Variants in ZNF236 observed in about 807,000 individuals in gnomAD.
The protein encoded by ZNF236 is regulated by glucose.
ZNF236 carries 50 observed loss-of-function variants against 191.2 expected under a neutral mutation model. The ratio of observed to expected loss-of-function variants is 0.26; its 90% CI spans 0.21 to 0.33. The LOEUF (loss-of-function observed/expected upper bound fraction) is 0.33. Among genes scored for constraint, ZNF236 ranks in the 10% least tolerant of loss-of-function variants. ZNF236 has a pLI of 1.00. For synonymous variants in ZNF236, 907 were observed against 928.8 expected (o/e 0.98, Z 0.43); for missense variants, 1,754 against 2,374.5 (o/e 0.74, Z 5.43).
chr18:76,900,536 GTATAGGATAC>G (rs1977559400), intron 11 of ZNF236, among the ~76,000 whole-genome samples: 9 of 152,086 alleles, frequency 5.9e-5, no homozygotes, highest in Admixed American at 5.2e-4. Flanking sequence ...AGTTGATTTT[GTATAGGATAC>G]AATCTTTGAT....
At position 76,913,807 on chromosome 18, in the gene ZNF236, G is replaced by T; in HGVS notation, c.2970G>T (p.Ser990=). Reference sequence around the variant, plus strand: ...GCCACCTGAAGCAGCATGTGCGGTCGCACACCGGGGAAAAGCCCTACAAGT... The same window carrying T: ...GCCACCTGAAGCAGCATGTGCGGTCTCACACCGGGGAAAAGCCCTACAAGT... ...KSSHLKQHVR[S]HTGEKPYKCK... The change falls in exon 18 of 31, where the codon TCG becomes TCT. Residue 990 remains serine (S), a synonymous_variant. Coordinates refer to ENST00000320610, the MANE Select transcript of ZNF236 (RefSeq NM_001306089.2). The T allele has an allele frequency of 1.2e-6, 2 of 1,614,182 alleles. No homozygotes were observed. Among genetic ancestry groups the T allele is most frequent in the Non-Finnish European group, 1.7e-6 (2 of 1,180,030 alleles).
chr18:76,861,565 A>G (rs934403407), intron 3 of ZNF236, among the ~76,000 whole-genome samples: 13 of 152,224 alleles, frequency 8.5e-5, no homozygotes, highest in South Asian at 2.1e-4. Flanking sequence ...TTTTCCCTGT[A>G]TGTCAAAATA....
intron 3 of ZNF236, among the ~76,000 whole-genome samples, chr18:76,857,027 C>T (rs574500259): frequency 2.0e-5 from 3 of 152,308 alleles, no homozygotes; most frequent in East Asian, 3.9e-4. Context: ...AGCCCATCCC[C>T]GCAGGGCCTC....
At chr18:76,834,551 T>G in intron 1 of ZNF236, 1 of 492,488 alleles carries the variant, frequency 2.0e-6, no homozygotes, top group Admixed American at 2.2e-5. Context: ...AGCCTAGTGA[T>G]AACCACCTTG....
chr18:76,921,156 C>G (rs2122809470), intron 20 of ZNF236, among the ~76,000 whole-genome samples: 1 of 152,298 alleles, frequency 6.6e-6, no homozygotes, highest in Non-Finnish European at 1.5e-5. Context: ...CAGTGCCACC[C>G]TAGTGAGCAC....
chr18:76,888,349 C>T (rs575010009), intron 9 of ZNF236: 27 of 152,794 alleles, frequency 1.8e-4, no homozygotes, highest in Admixed American at 4.6e-4. Flanking sequence ...GGCGACAGAG[C>T]GAGACTCCGT....
rs1322293930 is a variant in ZNF236 at position 76,971,475 on chromosome 18, A to T, written c.*3136A>T. Among the ~76,000 whole-genome samples, 2 of 152,216 alleles carry T rather than the reference A, an allele frequency of 1.3e-5. No individual in the cohort carries two copies. Among genetic ancestry groups the T allele is most frequent in the South Asian group, 2.1e-4 (1 of 4,830 alleles). ...AACATCAGTGCTTGTCTGGCACTTA[A>T]CTAGGGGATGTTTCCTTCGTGCATA... is the stretch of plus-strand genomic sequence containing the variant. On this transcript the variant is annotated 3_prime_UTR_variant, in exon 31 of 31. Transcript: ENST00000320610.
chr18:76,959,333 C>T lies in ZNF236; in HGVS notation c.5113-354C>T, dbSNP rs544649441. ...CGGGGACAGGATCCCCCACAGCCAA[C>T]GGAGAGAGCTCACCTGGACTCCTGC... is the stretch of plus-strand genomic sequence containing the variant. On this transcript the variant is annotated intron_variant, in intron 28 of 30. Transcript: ENST00000320610. Among the ~76,000 whole-genome samples the T allele has an allele frequency of 7.1e-4, 108 of 152,236 alleles. 1 individual carries two copies. The South Asian group carries it at 7.7e-3, about 11-fold the overall frequency.
chr18:76,843,803 A>AAAAAAAAAAG (rs71172383), intron 1 of ZNF236, among the ~76,000 whole-genome samples: 1,756 of 62,070 alleles, frequency 0.028, 643 homozygotes, highest in East Asian at 0.073. Context: ...AAAAAAAAAA[A>AAAAAAAAAAG]AAGTAAAGAA....
Position 76,925,060 on chromosome 18 carries a change from G to A in ZNF236, c.3662-129G>A. 1 of 1,367,566 alleles carries A rather than the reference G, an allele frequency of 7.3e-7. No individual in the cohort carries two copies. The allele number at this position is 1,367,566 out of a possible 1,614,324, so 84.7% of individuals were successfully genotyped here. A position where few individuals can be genotyped will look rare whatever the true frequency, so the allele number is the denominator to read the frequency against. ...CGTCCGTAACATCTTATAGGTGAAAGGGATTCTCATTAAAGTACTTCCATC... is the reference window on the plus strand; with the variant it reads ...CGTCCGTAACATCTTATAGGTGAAAAGGATTCTCATTAAAGTACTTCCATC... On this transcript the variant is annotated intron_variant, in intron 21 of 30. Coordinates refer to ENST00000320610, the MANE Select transcript of ZNF236 (RefSeq NM_001306089.2). This position sits in a 1 kb window ranked among gnomAD's most constrained non-coding sequence, Gnocchi z 5.7.
rs1054725990 is a variant in ZNF236 at position 76,836,348 on chromosome 18, G to A, written c.56-13178G>A. Among the ~76,000 whole-genome samples the A allele has an allele frequency of 2.6e-5, 4 of 151,952 alleles. 1 individual carries two copies. In the South Asian group the frequency reaches 8.3e-4, roughly 32 times the overall value. ...TGATTCTCCTGCCTCAGTCTCCCAA[G>A]TAGCTGGGACTACAGGTGCCCACCA... On this transcript the variant is annotated intron_variant, in intron 1 of 30. Coordinates refer to ENST00000320610, the MANE Select transcript of ZNF236 (RefSeq NM_001306089.2).
At chr18:76,923,351 C>A (rs370062291) in intron 21 of ZNF236, among the ~76,000 whole-genome samples, 177 bp downstream of exon 21, 42 of 151,872 alleles carry the variant, frequency 2.8e-4, no homozygotes, top group Non-Finnish European at 3.8e-4. Flanking sequence ...GAAAACTGTC[C>A]AAATGACACT....
intron 28 of ZNF236, among the ~76,000 whole-genome samples, chr18:76,957,173 C>T (rs905580285): frequency 6.6e-6 from 1 of 152,104 alleles, no homozygotes; most frequent in African/African-American, 2.4e-5. Context: ...TGTTTTTGGC[C>T]TTTGTGTGTC....
intron 26 of ZNF236, among the ~76,000 whole-genome samples, chr18:76,946,228 T>G (rs185577747): frequency 2.8e-4 from 43 of 152,268 alleles, no homozygotes; most frequent in Admixed American, 7.2e-4. Context: ...GATCTGATGG[T>G]TATAAAAAGG....
At chr18:76,883,093 C>T (rs996937001) in intron 9 of ZNF236, among the ~76,000 whole-genome samples, 3 of 152,184 alleles carry the variant, frequency 2.0e-5, no homozygotes, top group African/African-American at 7.2e-5. Context: ...CCCCGTGCTG[C>T]TCCTTCCAGA....
intron 1 of ZNF236, among the ~76,000 whole-genome samples, chr18:76,843,620 A>T (rs1376193002): frequency 6.6e-6 from 1 of 151,356 alleles, no homozygotes; most frequent in African/African-American, 2.4e-5. Flanking sequence ...TACTAAAAAT[A>T]CAAAAATTAG....
intron 1 of ZNF236, among the ~76,000 whole-genome samples, chr18:76,842,487 G>A (rs1975538615): frequency 6.7e-6 from 1 of 149,646 alleles, no homozygotes; most frequent in Non-Finnish European, 1.5e-5. Context: ...TGCGATGGCT[G>A]ACACCTGTAA....
intron 6 of ZNF236, among the ~76,000 whole-genome samples, chr18:76,876,130 C>A (rs1976705821): frequency 6.6e-6 from 1 of 152,212 alleles, no homozygotes; most frequent in African/African-American, 2.4e-5. Context: ...TCCTTCCATG[C>A]TGCTTGTCCA....
intron 30 of ZNF236, among the ~76,000 whole-genome samples, chr18:76,961,151 C>T (rs970998498): frequency 3.9e-5 from 6 of 152,146 alleles, no homozygotes; most frequent in Admixed American, 3.3e-4. Flanking sequence ...TTATCCCTCA[C>T]CCCCTTCCCA....
Sources: allele counts gnomAD v4.1 joint callset (sites outside exome capture counted in the v4.1 genomes callset), GRCh38; gene constraint gnomAD v4.1.1; non-coding constraint Gnocchi (gnomAD v3.1); transcripts MANE v1.5; gene names NCBI Gene and HGNC (gene_info 2026-07-23, HGNC 2026-07-21).